The following NKAIN2 variants were observed in gnomAD, a reference collection of about 807,000 sequenced individuals.
The protein encoded by NKAIN2 is sodium/potassium-transporting ATPase subunit beta-1-interacting protein 2.
A neutral mutation model predicts 32.6 loss-of-function variants in NKAIN2; 14 were observed. That is an observed-to-expected ratio of 0.43 (90% confidence interval 0.28 to 0.67). The LOEUF (loss-of-function observed/expected upper bound fraction) is 0.67. Among genes scored for constraint, NKAIN2 ranks in the 30% least tolerant of loss-of-function variants. The pLI, the probability that NKAIN2 is intolerant of heterozygous loss-of-function variation, is 0.17. For synonymous variants in NKAIN2, 80 were observed against 87.2 expected (o/e 0.92, Z 0.46); for missense variants, 198 against 258.3 (o/e 0.77, Z 1.60).
intron 1 of NKAIN2, among the ~76,000 whole-genome samples, chr6:124,003,838 G>C (rs4612179): frequency 0.53 from 79,801 of 151,906 alleles, 22,153 homozygotes; most frequent in African/African-American, 0.69. Flanking sequence ...GTGAATGGAG[G>C]TCTGCAATGG....
intron 1 of NKAIN2, among the ~76,000 whole-genome samples, chr6:124,115,057 A>G (rs1182434743): frequency 6.6e-6 from 1 of 152,136 alleles, no homozygotes; most frequent in Non-Finnish European, 1.5e-5. Flanking sequence ...ACAAGCAAGA[A>G]TAATAGGCTA....
intron 1 of NKAIN2, among the ~76,000 whole-genome samples, chr6:124,236,098 T>A (rs1216871241): frequency 1.3e-5 from 2 of 152,138 alleles, no homozygotes; most frequent in African/African-American, 4.8e-5. Flanking sequence ...GTAAAGACTA[T>A]ATTTTAATAT....
chr6:124,366,952 G>GA (rs1799544191), intron 3 of NKAIN2, among the ~76,000 whole-genome samples: 1 of 148,958 alleles, frequency 6.7e-6, no homozygotes. Flanking sequence ...AAAGTAATAA[G>GA]AATTTTAAAA....
At chr6:124,616,032 GT>G (rs1389176620) in intron 3 of NKAIN2, among the ~76,000 whole-genome samples, 1 of 152,034 alleles carries the variant, frequency 6.6e-6, no homozygotes, top group Non-Finnish European at 1.5e-5. Flanking sequence ...GCTGCTTAGA[GT>G]TTTTTCTGTG....
At chr6:124,731,397 A>C (rs999762424) in intron 4 of NKAIN2, among the ~76,000 whole-genome samples, 1 of 151,738 alleles carries the variant, frequency 6.6e-6, no homozygotes, top group Admixed American at 6.6e-5. Flanking sequence ...TGATGAGTTC[A>C]TGTCCTTTGT....
At chr6:124,056,360 A>G (rs1782651995) in intron 1 of NKAIN2, among the ~76,000 whole-genome samples, 1 of 151,890 alleles carries the variant, frequency 6.6e-6, no homozygotes, top group Admixed American at 6.6e-5. Context: ...GATGTACAAA[A>G]TATTTTATTT....
In NKAIN2 at chr6:124,769,492, A is replaced by G. The variant is rs146746027; in HGVS notation, c.475-21847A>G. ...GAGGAATGATAGTTTTTGCATGCCTATTTACTGGGATTTCTTTTATTCATC... is the reference window on the plus strand; with the variant it reads ...GAGGAATGATAGTTTTTGCATGCCTGTTTACTGGGATTTCTTTTATTCATC... On this transcript the variant is annotated intron_variant, in intron 4 of 6. Coordinates refer to ENST00000368417, the MANE Select transcript of NKAIN2 (RefSeq NM_001040214.3). 2.6e-3 allele frequency among the ~76,000 whole-genome samples: 403 copies of G among 152,158 alleles called. 1 individual carries two copies. The highest frequency in any genetic ancestry group is 6.8e-3 in the Middle Eastern group (2 of 294).
At position 124,625,835 on chromosome 6, in the gene NKAIN2, CCAGAGT is replaced by C. The variant is rs576639756; in HGVS notation, c.274-32348_274-32343del. 4.4e-3 allele frequency among the ~76,000 whole-genome samples: 673 copies of C among 152,046 alleles called. 4 individuals carry two copies. The highest frequency in any genetic ancestry group is 0.015 in the African/African-American group (623 of 41,488). ...TCACAAAGTTAGAAGTCATCAAATG[CCAGAGT>C]CAAACAGTGTGTTTCGTTCCAAAGC... On this transcript the variant is annotated intron_variant, in intron 3 of 6. Coordinates refer to ENST00000368417, the MANE Select transcript of NKAIN2 (RefSeq NM_001040214.3).
intron 1 of NKAIN2, among the ~76,000 whole-genome samples, chr6:124,101,383 C>T (rs998878549): frequency 5.3e-5 from 8 of 152,100 alleles, no homozygotes; most frequent in African/African-American, 1.4e-4. Flanking sequence ...GAAAGCTAGC[C>T]GGCTAAAGGA....
At chr6:124,067,756 C>T (rs1023378823) in intron 1 of NKAIN2, among the ~76,000 whole-genome samples, 5 of 152,218 alleles carry the variant, frequency 3.3e-5, no homozygotes, top group South Asian at 2.1e-4. Context: ...TTGTCTTGAA[C>T]GTACAAATTC....
chr6:123,876,853 T>C (rs1345982750), intron 1 of NKAIN2, among the ~76,000 whole-genome samples: 1 of 152,252 alleles, frequency 6.6e-6, no homozygotes, highest in Non-Finnish European at 1.5e-5. Context: ...ATGTTTAATC[T>C]GTGGCCCAGT....
intron 3 of NKAIN2, among the ~76,000 whole-genome samples, chr6:124,531,852 G>A (rs1779538685): frequency 6.6e-6 from 1 of 152,078 alleles, no homozygotes; most frequent in African/African-American, 2.4e-5. Flanking sequence ...TGTATTTTTT[G>A]TACAGACGGG....
chr6:124,770,781 T>A (rs1778715775), intron 4 of NKAIN2, among the ~76,000 whole-genome samples: 1 of 152,140 alleles, frequency 6.6e-6, no homozygotes, highest in Non-Finnish European at 1.5e-5. Flanking sequence ...TGACAGGTAC[T>A]TTTGCACTAG....
chr6:123,955,937 C>T (rs1007346549), intron 1 of NKAIN2, among the ~76,000 whole-genome samples: 5 of 152,114 alleles, frequency 3.3e-5, no homozygotes, highest in Non-Finnish European at 5.9e-5. Context: ...TACATTTAAA[C>T]ATTAATATTT....
chr6:124,307,995 T>C (rs1796574516), intron 2 of NKAIN2, among the ~76,000 whole-genome samples: 1 of 152,202 alleles, frequency 6.6e-6, no homozygotes, highest in African/African-American at 2.4e-5. Flanking sequence ...TTATTTTACT[T>C]TAAGTTCTCA....
intron 3 of NKAIN2, among the ~76,000 whole-genome samples, chr6:124,432,140 A>G (rs539491239): frequency 6.6e-6 from 1 of 152,298 alleles, no homozygotes; most frequent in South Asian, 2.1e-4. Flanking sequence ...GAAGCGCTGC[A>G]TTTACTGCCA....
At chr6:124,474,387 TATAGTC>T (rs1777100844) in intron 3 of NKAIN2, among the ~76,000 whole-genome samples, 1 of 152,138 alleles carries the variant, frequency 6.6e-6, no homozygotes, top group South Asian at 2.1e-4. Flanking sequence ...GGGATTTGGC[TATAGTC>T]TCCATGAACA....
chr6:124,523,592 C>T (rs1034733323), intron 3 of NKAIN2, among the ~76,000 whole-genome samples: 1 of 151,962 alleles, frequency 6.6e-6, no homozygotes, highest in Admixed American at 6.6e-5. Flanking sequence ...TGAGTTAGAT[C>T]TTGGCAAAAT....
At chr6:124,367,889 A>G (rs868109353) in intron 3 of NKAIN2, among the ~76,000 whole-genome samples, 3 of 152,140 alleles carry the variant, frequency 2.0e-5, no homozygotes, top group Non-Finnish European at 4.4e-5. Flanking sequence ...TATGTGGACC[A>G]ATTATTTCAA....
Sources: allele counts gnomAD v4.1 joint callset (sites outside exome capture counted in the v4.1 genomes callset), GRCh38; gene constraint gnomAD v4.1.1; transcripts MANE v1.5; gene names NCBI Gene and HGNC (gene_info 2026-07-23, HGNC 2026-07-21).